SPMAP2L: variants seen among roughly 807,000 people sequenced by gnomAD.
SPMAP2L encodes sperm microtubule associated protein 2 like, also known as sperm microtubule associated protein 2-like.
chr4:56,583,814 A>C, the SPMAP2L span, among the ~76,000 whole-genome samples: 1 of 152,228 alleles, frequency 6.6e-6, no homozygotes, highest in South Asian at 2.1e-4. Flanking sequence ...CATTCATAAC[A>C]GATCATAAAA....
the SPMAP2L span, chr4:56,593,864 G>T: frequency 6.2e-7 from 1 of 1,611,324 alleles, no homozygotes; most frequent in Non-Finnish European, 8.5e-7. Flanking sequence ...TGGTTCCCAT[G>T]GGCTGGAGCA....
the SPMAP2L span, among the ~76,000 whole-genome samples, chr4:56,548,230 T>A: frequency 8.8e-6 from 1 of 113,954 alleles, no homozygotes; most frequent in African/African-American, 2.8e-5. Context: ...TTGAGCGTTC[T>A]CTTTCTGTTT....
the SPMAP2L span, among the ~76,000 whole-genome samples, chr4:56,551,505 G>A: frequency 1.5e-4 from 1 of 6,580 alleles, no homozygotes; most frequent in African/African-American, 4.0e-4. Flanking sequence ...AGTTCAATTC[G>A]GGGGTGTCAG....
At chr4:56,575,509 C>T in the SPMAP2L span, 1 of 1,535,172 alleles carries the variant, frequency 6.5e-7, no homozygotes, top group South Asian at 1.2e-5. Context: ...TTGCAGGGCT[C>T]AATACTACCA....
At chr4:56,534,481 C>T in the SPMAP2L span, among the ~76,000 whole-genome samples, 2 of 152,286 alleles carry the variant, frequency 1.3e-5, no homozygotes, top group African/African-American at 4.8e-5. Context: ...TAGAACTTTC[C>T]TTATTCCCTG....
At chr4:56,543,237 C>T in the SPMAP2L span, among the ~76,000 whole-genome samples, 1 of 152,022 alleles carries the variant, frequency 6.6e-6, no homozygotes, top group Non-Finnish European at 1.5e-5. Flanking sequence ...GCGCCCGCCA[C>T]CACACCAGGC....
At chr4:56,586,984 G>A in the SPMAP2L span, among the ~76,000 whole-genome samples, 2 of 152,060 alleles carry the variant, frequency 1.3e-5, no homozygotes, top group Admixed American at 1.3e-4. Context: ...AGAAAAGACT[G>A]TTTAGAGGTA....
the SPMAP2L span, among the ~76,000 whole-genome samples, chr4:56,612,467 C>T: frequency 6.6e-6 from 1 of 152,012 alleles, no homozygotes; most frequent in African/African-American, 2.4e-5. Flanking sequence ...TCAGTGACTA[C>T]AGGCATGAGC....
the SPMAP2L span, among the ~76,000 whole-genome samples, chr4:56,614,336 T>C: frequency 1.3e-5 from 2 of 152,062 alleles, no homozygotes; most frequent in Non-Finnish European, 2.9e-5. Context: ...TAGTACACTG[T>C]GAGGTGGATG....
the SPMAP2L span, among the ~76,000 whole-genome samples, chr4:56,576,607 T>A: frequency 6.6e-6 from 1 of 152,212 alleles, no homozygotes. Flanking sequence ...AAAAGATTCC[T>A]ACATTCAGAG....
At chr4:56,570,522 CTAAACATA>C in the SPMAP2L span, among the ~76,000 whole-genome samples, 1 of 152,042 alleles carries the variant, frequency 6.6e-6, no homozygotes, top group African/African-American at 2.4e-5. Context: ...CTAAACATAT[CTAAACATA>C]GAAAAGGCAC....
chr4:56,621,072 C>T, the SPMAP2L span, among the ~76,000 whole-genome samples: 12 of 151,364 alleles, frequency 7.9e-5, no homozygotes, highest in Non-Finnish European at 1.3e-4. Flanking sequence ...TAAAACTGGA[C>T]GGAAAAAAAA....
the SPMAP2L span, among the ~76,000 whole-genome samples, chr4:56,587,193 C>T: frequency 6.6e-6 from 1 of 152,052 alleles, no homozygotes; most frequent in South Asian, 2.1e-4. Flanking sequence ...TTACCTTTTA[C>T]ACTTTATTTT....
chr4:56,571,489 A>AT, the SPMAP2L span, among the ~76,000 whole-genome samples: 19 of 151,540 alleles, frequency 1.3e-4, no homozygotes, highest in African/African-American at 4.6e-4. Flanking sequence ...ATTGTTTTGG[A>AT]TTTTTTTGGT....
chr4:56,543,485 A>C, the SPMAP2L span, among the ~76,000 whole-genome samples: 1 of 152,106 alleles, frequency 6.6e-6, no homozygotes, highest in Non-Finnish European at 1.5e-5. Flanking sequence ...TGAGGCCAGG[A>C]GTTTGAGACC....
At chr4:56,584,320 T>C in the SPMAP2L span, among the ~76,000 whole-genome samples, 3 of 152,228 alleles carry the variant, frequency 2.0e-5, no homozygotes, top group South Asian at 6.2e-4. Flanking sequence ...CTGTGGATCA[T>C]AGCAAAAAAA....
At chr4:56,550,830 C>T in the SPMAP2L span, among the ~76,000 whole-genome samples, 1 of 151,852 alleles carries the variant, frequency 6.6e-6, no homozygotes, top group South Asian at 2.1e-4. Flanking sequence ...CCTAATTAGC[C>T]CGGTATGGTG....
At chr4:56,585,389 C>T in the SPMAP2L span, among the ~76,000 whole-genome samples, 1 of 152,158 alleles carries the variant, frequency 6.6e-6, no homozygotes, top group Non-Finnish European at 1.5e-5. Context: ...CTCTGTCACC[C>T]AGGCTGGAAT....
chr4:56,547,586 T>C, the SPMAP2L span, among the ~76,000 whole-genome samples: 1 of 152,140 alleles, frequency 6.6e-6, no homozygotes, highest in Non-Finnish European at 1.5e-5. Context: ...AATCCTCCTA[T>C]CTGAGAAGGG....
Sources: allele counts gnomAD v4.1 joint callset (sites outside exome capture counted in the v4.1 genomes callset), GRCh38; gene constraint gnomAD v4.1.1; transcripts MANE v1.5; gene names NCBI Gene and HGNC (gene_info 2026-07-23, HGNC 2026-07-21).